PVT1: variants seen among roughly 807,000 people sequenced by gnomAD.
PVT1 encodes the protein Pvt1 oncogene.
intron 4 of PVT1, among the ~76,000 whole-genome samples, chr8:128,037,147 C>T (rs543280188): frequency 6.6e-6 from 1 of 152,346 alleles, no homozygotes; most frequent in South Asian, 2.1e-4. Context: ...AGACCCAGCA[C>T]TTCTGGGGAA....
chr8:127,868,783 A>G (rs1222798819), intron 2 of PVT1, among the ~76,000 whole-genome samples: 3 of 118,680 alleles, frequency 2.5e-5, no homozygotes, highest in East Asian at 5.0e-4. Context: ...ATATATATAT[A>G]TATATATATA....
At chr8:128,033,090 G>C (rs1321899083) in intron 4 of PVT1, among the ~76,000 whole-genome samples, 7 of 152,220 alleles carry the variant, frequency 4.6e-5, no homozygotes, top group Admixed American at 4.6e-4. Flanking sequence ...CTGTCCCTCA[G>C]GCTTCTCTGA....
At chr8:127,960,937 T>TGGGGG (rs71566655) in intron 3 of PVT1, among the ~76,000 whole-genome samples, 3 of 22,038 alleles carry the variant, frequency 1.4e-4, no homozygotes, top group Non-Finnish European at 2.4e-4. Flanking sequence ...TGTGTGTGTT[T>TGGGGG]GGGGGTGGGG....
At chr8:127,841,797 C>G (rs1295763840) in intron 2 of PVT1, among the ~76,000 whole-genome samples, 1 of 152,072 alleles carries the variant, frequency 6.6e-6, no homozygotes, top group African/African-American at 2.4e-5. Flanking sequence ...ACAATCTTGG[C>G]TCACTGCAAC....
chr8:127,822,044 A>C (rs1814736456), intron 2 of PVT1, among the ~76,000 whole-genome samples: 1 of 152,154 alleles, frequency 6.6e-6, no homozygotes, highest in Non-Finnish European at 1.5e-5. Context: ...AAACTCTCAG[A>C]GCTTCAGTTG....
chr8:127,919,518 C>T (rs1193233179), intron 3 of PVT1, among the ~76,000 whole-genome samples: 1 of 152,182 alleles, frequency 6.6e-6, no homozygotes, highest in Non-Finnish European at 1.5e-5. Flanking sequence ...CACTCTTCAT[C>T]CAGTCTGAGT....
intron 3 of PVT1, among the ~76,000 whole-genome samples, chr8:127,915,518 A>T (rs1815972833): frequency 6.8e-6 from 1 of 147,964 alleles, no homozygotes; most frequent in Non-Finnish European, 1.5e-5. Context: ...AGGCTGAGGC[A>T]GGAGAATTGC....
intron 4 of PVT1, among the ~76,000 whole-genome samples, chr8:128,041,497 GTA>G (rs1491365798): frequency 0.034 from 858 of 25,188 alleles, 3 homozygotes; most frequent in Non-Finnish European, 0.053. Context: ...TATGTGTTTG[GTA>G]TGTGTGTGTG....
At chr8:127,812,788 C>T (rs1814613337) in intron 2 of PVT1, among the ~76,000 whole-genome samples, 1 of 152,108 alleles carries the variant, frequency 6.6e-6, no homozygotes, top group Admixed American at 6.6e-5. Flanking sequence ...CCATTTTGTG[C>T]AGCATTTCCC....
At chr8:127,874,908 GTGT>G (rs1189356182) in intron 2 of PVT1, among the ~76,000 whole-genome samples, 5 of 98,304 alleles carry the variant, frequency 5.1e-5, no homozygotes, top group African/African-American at 3.0e-4. Context: ...CTCCAGGTGT[GTGT>G]GTGTGTGTGT....
At chr8:127,865,211 A>G (rs1381318644) in intron 2 of PVT1, among the ~76,000 whole-genome samples, 1 of 152,186 alleles carries the variant, frequency 6.6e-6, no homozygotes, top group Non-Finnish European at 1.5e-5. Flanking sequence ...GGTCACTGGA[A>G]TCAGGATGGT....
chr8:127,816,023 C>T (rs1222348801), intron 2 of PVT1, among the ~76,000 whole-genome samples: 1 of 152,128 alleles, frequency 6.6e-6, no homozygotes, highest in African/African-American at 2.4e-5. Flanking sequence ...ACTCAGCAGG[C>T]TGAGGGAGGA....
chr8:127,795,852 G>T (rs1385625790), intron 1 of PVT1: 1 of 169,328 alleles, frequency 5.9e-6, no homozygotes, highest in Non-Finnish European at 1.5e-5. Context: ...TCAAGAAGGG[G>T]GTTGTATCAA....
chr8:127,830,644 G>A (rs1018438079), intron 2 of PVT1, among the ~76,000 whole-genome samples: 1 of 152,012 alleles, frequency 6.6e-6, no homozygotes, highest in African/African-American at 2.4e-5. Context: ...AGCACGTTGC[G>A]GGGCTGTGAT....
chr8:127,911,380 T>C (rs1815895725), intron 3 of PVT1, among the ~76,000 whole-genome samples: 1 of 152,226 alleles, frequency 6.6e-6, no homozygotes, highest in Admixed American at 6.5e-5. Flanking sequence ...TGCTCTGACC[T>C]GCACAGCAGG....
Position 127,960,817 on chromosome 8 carries a change from A to G in PVT1, n.783-28345A>G, listed in dbSNP as rs562468250. 4.8e-5 allele frequency: 14 copies of G among 291,494 alleles called. 1 individual carries two copies. The highest frequency in any genetic ancestry group is 1.1e-3 in the Middle Eastern group (1 of 912). The allele number at this position is 291,494 out of a possible 1,614,324, so 18.1% of individuals were successfully genotyped here. A position where few individuals can be genotyped will look rare whatever the true frequency, so the allele number is the denominator to read the frequency against. ...AACATAGGGTATTTCTCATTATGCA[A>G]TAGTTTAATTGAGCACATACTGCAG... On this transcript the variant is annotated intron_variant and non_coding_transcript_variant, in intron 3 of 10. Coordinates refer to ENST00000651587, the Ensembl canonical transcript of PVT1.
chr8:127,926,408 A>G (rs887771415), intron 3 of PVT1, among the ~76,000 whole-genome samples: 2 of 152,094 alleles, frequency 1.3e-5, no homozygotes, highest in Non-Finnish European at 2.9e-5. Context: ...CACTGCTGCT[A>G]ATGTCCACAG....
chr8:127,972,977 T>G (rs1195770649), intron 3 of PVT1, among the ~76,000 whole-genome samples: 3 of 152,206 alleles, frequency 2.0e-5, no homozygotes, highest in Admixed American at 2.0e-4. Context: ...TAATCATAGC[T>G]CACTATAACC....
intron 4 of PVT1, among the ~76,000 whole-genome samples, chr8:128,027,902 C>G (rs981853603): frequency 6.6e-6 from 1 of 152,260 alleles, no homozygotes; most frequent in African/African-American, 2.4e-5. Flanking sequence ...ACAGCCTTCC[C>G]TGAGCCTGTT....
Sources: gnomAD v4.1 joint callset for allele counts (sites outside exome capture counted in the v4.1 genomes callset) on GRCh38, gnomAD v4.1.1 for gene constraint, MANE v1.5 for transcripts, NCBI Gene and HGNC (gene_info 2026-07-23, HGNC 2026-07-21) for gene names.